MAP1B: variants seen among roughly 807,000 people sequenced by gnomAD.
MAP1B encodes microtubule associated protein 1B.
Under a neutral mutation model 176.1 loss-of-function variants are expected in MAP1B, and 12 were observed. The ratio of observed to expected loss-of-function variants is 0.07; its 90% CI spans 0.04 to 0.11. The LOEUF (loss-of-function observed/expected upper bound fraction) is 0.11. MAP1B is among the 10% of genes least tolerant of loss of function. The pLI is 1.00. For missense variants in MAP1B, 2,523 were observed against 2,990.5 expected, an observed-to-expected ratio of 0.84 and a Z score of 3.65; for synonymous variants, 1,044 against 1,135.0, an observed-to-expected ratio of 0.92 and a Z score of 1.61.
At chr5:72,144,911 G>A (rs1244910124) in intron 2 of MAP1B, among the ~76,000 whole-genome samples, 1 of 152,168 alleles carries the variant, frequency 6.6e-6, no homozygotes, top group Non-Finnish European at 1.5e-5. Flanking sequence ...CTGAAACACA[G>A]ATCCTTCTCT....
chr5:72,154,709 CTG>C (rs1248925038), intron 2 of MAP1B, among the ~76,000 whole-genome samples: 3 of 152,136 alleles, frequency 2.0e-5, no homozygotes, highest in African/African-American at 7.2e-5. Context: ...AATTTAGAAG[CTG>C]TGTCTTGTTT....
At chr5:72,124,697 C>T (rs868139125) in intron 2 of MAP1B, among the ~76,000 whole-genome samples, 7 of 152,210 alleles carry the variant, frequency 4.6e-5, no homozygotes, top group Non-Finnish European at 8.8e-5. Flanking sequence ...TTAATCTGGC[C>T]ATTTCTTTCT....
intron 4 of MAP1B, among the ~76,000 whole-genome samples, chr5:72,192,857 G>A (rs548773810): frequency 6.6e-6 from 1 of 152,230 alleles, no homozygotes; most frequent in African/African-American, 2.4e-5. Context: ...TATGGAGTGA[G>A]AGAGACAAGT....
chr5:72,111,148 T>C (rs1745330143), intron 1 of MAP1B, among the ~76,000 whole-genome samples: 1 of 152,200 alleles, frequency 6.6e-6, no homozygotes, highest in Non-Finnish European at 1.5e-5. Flanking sequence ...TAGCTAGTGG[T>C]TCTCATTTTC....
At chr5:72,157,508 GATGGGATTCCCGGGGACAGGGAGCC>G (rs891136163) in intron 2 of MAP1B, among the ~76,000 whole-genome samples, 1 of 152,228 alleles carries the variant, frequency 6.6e-6, no homozygotes, top group Non-Finnish European at 1.5e-5. Context: ...ACAAGATGGA[GATGGGATTCCCGGGGACAGGGAGCC>G]ATGGGCTTCC....
At chr5:72,121,978 G>A (rs182858556) in intron 2 of MAP1B, among the ~76,000 whole-genome samples, 198 of 152,314 alleles carry the variant, frequency 1.3e-3, no homozygotes, top group Non-Finnish European at 1.5e-3. Flanking sequence ...TTGTGTACAC[G>A]CACAGGTCTA....
intron 2 of MAP1B, among the ~76,000 whole-genome samples, chr5:72,172,933 A>G (rs1268329356): frequency 6.6e-6 from 1 of 152,034 alleles, no homozygotes; most frequent in Non-Finnish European, 1.5e-5. Context: ...CTCCAAGCAA[A>G]CTCTCTGTCA....
chr5:72,168,135 C>G (rs988876375), intron 2 of MAP1B, among the ~76,000 whole-genome samples: 19 of 152,234 alleles, frequency 1.2e-4, no homozygotes, highest in African/African-American at 4.8e-5. Context: ...AACTTTGAAG[C>G]CTTGCATTTT....
intron 2 of MAP1B, among the ~76,000 whole-genome samples, chr5:72,131,821 G>A (rs888579584): frequency 6.6e-6 from 1 of 152,130 alleles, no homozygotes. Context: ...TTCCTCACCT[G>A]GTCATTGTTA....
At chr5:72,116,526 ACCC>A in intron 2 of MAP1B, 1 of 348,106 alleles carries the variant, frequency 2.9e-6, no homozygotes. Flanking sequence ...CTATGATCTG[ACCC>A]ATGCCTCTGG....
chr5:72,198,234 A>G lies in MAP1B; in HGVS notation c.4879A>G (p.Lys1627Glu), dbSNP rs1479088245. 1 of 1,614,218 alleles carries G rather than the reference A, an allele frequency of 6.2e-7. No homozygotes were observed. The highest frequency in any genetic ancestry group is 1.1e-5 in the South Asian group (1 of 91,082). ...AATTTCTCCACCAGATTTCTCCCCTAAAACTGCAAAGTCCAGGACACCCGT... is the reference window on the plus strand; with the variant it reads ...AATTTCTCCACCAGATTTCTCCCCTGAAACTGCAAAGTCCAGGACACCCGT... Reference protein sequence around the residue: ...MSISPPDFSPKTAKSRTPVQD... With the variant: ...MSISPPDFSPETAKSRTPVQD... The change falls in exon 5 of 7, where the codon AAA becomes GAA. Residue 1627 changes from lysine (K) to glutamate (E), a missense_variant. Physicochemically the swap from Lys to Glu is moderately conservative, Grantham distance 56. This residue lies in a region of MAP1B where 1,925 missense variants were observed against 2,126.0 expected (regional missense o/e 0.91). Transcript: ENST00000296755.
At chr5:72,122,013 G>C (rs1248014638) in intron 2 of MAP1B, among the ~76,000 whole-genome samples, 2 of 152,194 alleles carry the variant, frequency 1.3e-5, no homozygotes, top group Non-Finnish European at 2.9e-5. Context: ...TGCCTGTGAG[G>C]CTCTGCTCAT....
intron 2 of MAP1B, among the ~76,000 whole-genome samples, chr5:72,176,284 C>T (rs1473769917): frequency 6.6e-6 from 1 of 152,194 alleles, no homozygotes; most frequent in East Asian, 1.9e-4. Flanking sequence ...TGCACACTTA[C>T]CTCTTACAAA....
intron 1 of MAP1B, among the ~76,000 whole-genome samples, chr5:72,108,710 G>A (rs1745207812): frequency 6.6e-6 from 1 of 152,076 alleles, no homozygotes; most frequent in African/African-American, 2.4e-5. Context: ...CGCCCCCGTC[G>A]GGCACGGCTG....
Position 72,161,407 on chromosome 5 carries a change from C to G in MAP1B, c.287-22336C>G, listed in dbSNP as rs568777423. 2.6e-5 allele frequency among the ~76,000 whole-genome samples: 4 copies of G among 152,252 alleles called. 1 individual carries two copies. Among genetic ancestry groups the G allele is most frequent in the African/African-American group, 9.6e-5 (4 of 41,530 alleles). On this transcript the variant is annotated intron_variant, in intron 2 of 6. Coordinates refer to ENST00000296755, the MANE Select transcript of MAP1B (RefSeq NM_005909.5). The stretch of plus-strand genomic sequence containing the variant: ...ATTGTGGCTCATATGAATAATAGTA[C>G]TAGTGCTGGTGTGCCAATGAAAGGA...
rs1274147835 is a variant in MAP1B, at chr5:72,209,455, A to C, written c.*4216A>C. On this transcript the variant is annotated 3_prime_UTR_variant, in exon 7 of 7. Coordinates refer to ENST00000296755, the MANE Select transcript of MAP1B (RefSeq NM_005909.5). ...AAAATTAGTTTCCAGTGAAAGTAAT[A>C]TGTAGTGCTTTTATGATATTTGTGT... 2.0e-5 allele frequency: 3 copies of C among 152,064 alleles called. No individual in the cohort carries two copies. Among genetic ancestry groups the C allele is most frequent in the Admixed American group, 2.0e-4 (3 of 15,264 alleles). 9.4% of individuals were successfully genotyped at this position (152,064 alleles called of 1,614,324 possible).
At chr5:72,155,148 T>TA (rs1373522773) in intron 2 of MAP1B, among the ~76,000 whole-genome samples, 2 of 152,240 alleles carry the variant, frequency 1.3e-5, no homozygotes, top group Non-Finnish European at 2.9e-5. Context: ...CTAAACTTTT[T>TA]ATCTACAAAA....
At chr5:72,110,761 G>A (rs547443451) in intron 1 of MAP1B, among the ~76,000 whole-genome samples, 1 of 152,322 alleles carries the variant, frequency 6.6e-6, no homozygotes, top group Non-Finnish European at 1.5e-5. Flanking sequence ...TGGAGACCCT[G>A]GCGACTTGGA....
At chr5:72,123,605 C>G (rs1745569998) in intron 2 of MAP1B, among the ~76,000 whole-genome samples, 1 of 152,216 alleles carries the variant, frequency 6.6e-6, no homozygotes, top group South Asian at 2.1e-4. Flanking sequence ...CTGCCTCAGG[C>G]TCCCGAGTAG....
Sources: gnomAD v4.1 joint callset for allele counts (sites outside exome capture counted in the v4.1 genomes callset) on GRCh38, gnomAD v4.1.1 for gene constraint, gnomAD v4.1.1 regional missense constraint, MANE v1.5 for transcripts, NCBI Gene and HGNC (gene_info 2026-07-23, HGNC 2026-07-21) for gene names.